Variants in PSMB10 observed in about 807,000 individuals in gnomAD.
PSMB10 encodes proteasome subunit beta type-10.
In PSMB10, 29 loss-of-function variants were observed where a neutral mutation model predicts 29.8. The ratio of observed to expected loss-of-function variants is 0.97; its 90% CI spans 0.73 to 1.33. The LOEUF is 1.33. Among genes scored for constraint, PSMB10 ranks in the 40% most tolerant of loss-of-function variants. The pLI, the probability that PSMB10 is intolerant of heterozygous loss-of-function variation, is 0.00. For missense variants in PSMB10, 327 were observed against 369.2 expected (o/e 0.89, Z 0.94); for synonymous variants, 157 against 164.7 (o/e 0.95, Z 0.36).
In PSMB10 at chr16:67,936,683, C is replaced by A; in HGVS notation, c.56+11G>T. On this transcript the variant is annotated intron_variant, in intron 1 of 7. Transcript: ENST00000358514. ...GCTCAGGAGTGACCGCCCCCCGCGC[C>A]CCCGCTTCACCTTTGGCAGTTCTCG... 1 of 1,550,582 alleles carries A rather than the reference C, an allele frequency of 6.4e-7. No homozygotes were observed. Among genetic ancestry groups the A allele is most frequent in the East Asian group, 2.4e-5 (1 of 40,992 alleles).
intron 4 of PSMB10, 83 bp downstream of exon 4, chr16:67,935,880 C>CCG: frequency 6.5e-7 from 1 of 1,549,956 alleles, no homozygotes; most frequent in East Asian, 2.3e-5. Context: ...CGTCGCGGTC[C>CCG]CGCCCTTCTT....
At chr16:67,935,021 C>G (rs2058257495) in intron 6 of PSMB10, 73 bp from the exon 7 acceptor site, 2 of 1,551,726 alleles carry the variant, frequency 1.3e-6, no homozygotes, top group Non-Finnish European at 1.7e-6. Flanking sequence ...GGGGACTTGC[C>G]TGTCCACTTA....
At chr16:67,935,389 G>A (rs1258177526) in intron 6 of PSMB10, 31 bp downstream of exon 6, 1 of 1,612,346 alleles carries the variant, frequency 6.2e-7, no homozygotes. Context: ...TCCCACCAGC[G>A]ACCACAAAGT....
intron 4 of PSMB10, 117 bp downstream of exon 4, chr16:67,935,846 C>T: frequency 6.7e-7 from 1 of 1,489,488 alleles, no homozygotes; most frequent in East Asian, 2.4e-5. Flanking sequence ...TTCTCTTGGG[C>T]CGGCCTCTTC....
intron 1 of PSMB10, 76 bp from the exon 2 acceptor site, chr16:67,936,561 T>C: frequency 6.9e-7 from 1 of 1,456,830 alleles, no homozygotes. Flanking sequence ...CTGGTCCCCG[T>C]CTCCCTCATC....
At chr16:67,935,838 C>T (rs2058261043) in intron 4 of PSMB10, 125 bp downstream of exon 4, 2 of 1,484,410 alleles carry the variant, frequency 1.3e-6, no homozygotes, top group African/African-American at 2.8e-5. Flanking sequence ...AGCCCAGGTT[C>T]TCTTGGGCCG....
chr16:67,936,481 C>T lies in PSMB10; in HGVS notation c.61G>A (p.Ala21Thr). Residue 21 changes from alanine (A) to threonine (T), a missense_variant, in exon 2 of 8, where the codon GCA (alanine) becomes ACA (threonine). Coordinates refer to ENST00000358514, the MANE Select transcript of PSMB10 (RefSeq NM_002801.4). ...GFSFENCQRN[A>T]SLERVLPGLK... ...CCCGGGAGGACGCGTTCCAATGATG[C>T]ATTTCTGGAAACGGAGGAGGGCGCC... 6.2e-7 allele frequency: 1 copy of T among 1,612,778 alleles called. No individual in the cohort carries two copies. The highest frequency in any genetic ancestry group is 1.1e-5 in the South Asian group (1 of 90,954).
intron 4 of PSMB10, 76 bp downstream of exon 4, chr16:67,935,887 T>C (rs11075663): frequency 5.1e-6 from 8 of 1,558,328 alleles, no homozygotes; most frequent in Non-Finnish European, 1.7e-6. Context: ...GTCCCGCCCT[T>C]CTTTCTGTCC....
At chr16:67,936,178 C>T (rs2058263000) in intron 3 of PSMB10, 37 bp downstream of exon 3, 1 of 1,611,400 alleles carries the variant, frequency 6.2e-7, no homozygotes, top group Non-Finnish European at 8.5e-7. Flanking sequence ...GGGGGCCGTT[C>T]TTTTTTGCGT....
Position 67,935,883 on chromosome 16 carries a change from C to CCCTTCTTTCTGTCCCG in PSMB10, c.383+64_383+79dup, listed in dbSNP as rs1366801289. On this transcript the variant is annotated intron_variant, in intron 4 of 7. Coordinates refer to ENST00000358514, the MANE Select transcript of PSMB10 (RefSeq NM_002801.4). The stretch of plus-strand genomic sequence containing the variant: ...GGTCACCTGGCCCGTCGCGGTCCCG[C>CCCTTCTTTCTGTCCCG]CCTTCTTTCTGTCCCGCCTTCCAAT... The CCCTTCTTTCTGTCCCG allele has an allele frequency of 7.1e-6, 11 of 1,554,176 alleles. No individual in the cohort carries two copies. In the Admixed American group the frequency reaches 1.7e-4, roughly 23 times the overall value.
Position 67,934,678 on chromosome 16 carries a change from G to T in PSMB10, c.711-7C>A, listed in dbSNP as rs1414639064. On this transcript the variant is annotated splice_polypyrimidine_tract_variant and splice_region_variant and intron_variant, in intron 7 of 7. Transcript: ENST00000358514. This position sits in a 1 kb window ranked among gnomAD's most constrained non-coding sequence, Gnocchi z 4.3. ...AAAGTGGTAGCGGCCAGACCTGGGA[G>T]GGAGGAGGGACAGCCTCTGAACATG... 19 of 1,613,654 alleles carry T rather than the reference G, an allele frequency of 1.2e-5. No homozygotes were observed. In the Admixed American group the frequency reaches 2.8e-4, roughly 24 times the overall value.
Position 67,936,431 on chromosome 16 carries a change from C to G in PSMB10, c.111G>C (p.Lys37Asn). ...LPGLKVPHARKTGTTIAGLVF... is the reference protein window; with the variant it reads ...LPGLKVPHARNTGTTIAGLVF... ...CCAGGCCCGCGATGGTGGTCCCGGTCTTGCGTGCGTGAGGGACCTTGAGCC... is the reference window on the plus strand; with the variant it reads ...CCAGGCCCGCGATGGTGGTCCCGGTGTTGCGTGCGTGAGGGACCTTGAGCC... The change falls in exon 2 of 8, where the codon AAG becomes AAC. Residue 37 changes from lysine to asparagine, a missense_variant. Coordinates refer to ENST00000358514, the MANE Select transcript of PSMB10 (RefSeq NM_002801.4). 9 of 1,613,658 alleles carry G rather than the reference C, an allele frequency of 5.6e-6. No homozygotes were observed. Among genetic ancestry groups the G allele is most frequent in the Non-Finnish European group, 7.6e-6 (9 of 1,179,916 alleles).
Position 67,934,757 on chromosome 16 carries a change from G to T in PSMB10, c.710+40C>A. On this transcript the variant is annotated intron_variant, in intron 7 of 7. Coordinates refer to ENST00000358514, the MANE Select transcript of PSMB10 (RefSeq NM_002801.4). This position sits in a 1 kb window ranked among gnomAD's most constrained non-coding sequence, Gnocchi z 4.3. ...GCAGCCCCCTATCTCCCCTGCTATA[G>T]CCCCACACATCCCTGTGGTCCCCGA... 6.2e-7 allele frequency: 1 copy of T among 1,610,636 alleles called. No individual in the cohort carries two copies. Among genetic ancestry groups the T allele is most frequent in the Non-Finnish European group, 8.5e-7 (1 of 1,177,122 alleles).
Position 67,936,724 on chromosome 16 carries a change from C to CGA in PSMB10, c.25_26insTC (p.Arg9LeufsTer80). On this transcript the variant is annotated frameshift_variant, in exon 1 of 8. Coordinates refer to ENST00000358514, the MANE Select transcript of PSMB10 (RefSeq NM_002801.4). LOFTEE classifies it high-confidence loss of function. ...GCAGTTCTCGAAGGAGAAGCCCCCT[C>CGA]GGGGCTCCAGGGCTGGCTTCAGCAT... The CGA allele has an allele frequency of 3.9e-6, 6 of 1,557,040 alleles. No homozygotes were observed. Among genetic ancestry groups the CGA allele is most frequent in the Non-Finnish European group, 5.2e-6 (6 of 1,149,916 alleles).
Position 67,934,727 on chromosome 16 carries a change from T to G in PSMB10, c.711-56A>C. On this transcript the variant is annotated intron_variant, in intron 7 of 7. Transcript: ENST00000358514. The surrounding 1 kb of genome is among the most constrained non-coding windows in gnomAD (Gnocchi z 4.3). Reference sequence around the variant, plus strand: ...TGGGCCTGTCATGTGGCCCATCCCCTTTTTGCAGCCCCCTATCTCCCCTGC... The same window carrying G: ...TGGGCCTGTCATGTGGCCCATCCCCGTTTTGCAGCCCCCTATCTCCCCTGC... 17 of 1,610,366 alleles carry G rather than the reference T, an allele frequency of 1.1e-5. No individual in the cohort carries two copies. Among genetic ancestry groups the G allele is most frequent in the Non-Finnish European group, 1.4e-5 (16 of 1,176,820 alleles).
chr16:67,936,600 A>C (rs1384759054), intron 1 of PSMB10, 94 bp downstream of exon 1: 8 of 1,455,324 alleles, frequency 5.5e-6, no homozygotes, highest in Non-Finnish European at 6.5e-6. Context: ...ACCCAAGTCG[A>C]CCAACACACC....
At chr16:67,935,929 C>T (rs1205086632) in intron 4 of PSMB10, 34 bp downstream of exon 4, 4 of 1,592,044 alleles carry the variant, frequency 2.5e-6, no homozygotes, top group Non-Finnish European at 3.4e-6. Flanking sequence ...CCGTAACTAC[C>T]CCTGCCGGGG....
intron 1 of PSMB10, 56 bp downstream of exon 1, chr16:67,936,638 G>T: frequency 6.6e-7 from 1 of 1,504,144 alleles, no homozygotes; most frequent in South Asian, 1.2e-5. Context: ...AGGAAAAAAG[G>T]CCACGAGCAA....
At position 67,936,705 on chromosome 16, in the gene PSMB10, C is replaced by T. The variant is rs1304121848; in HGVS notation, c.45G>A (p.Glu15=). Residue 15 remains glutamate (E), a synonymous_variant, in exon 1 of 8, where the codon GAG becomes GAA. Coordinates refer to ENST00000358514, the MANE Select transcript of PSMB10 (RefSeq NM_002801.4). ...CGCCCCCGCTTCACCTTTGGCAGTT[C>T]TCGAAGGAGAAGCCCCCTCGGGGCT... ...ALEPRGGFSF[E]NCQRNASLER... 9.0e-6 allele frequency: 14 copies of T among 1,555,978 alleles called. No individual in the cohort carries two copies. The highest frequency in any genetic ancestry group is 1.4e-5 in the African/African-American group (1 of 73,160).
Sources: allele counts gnomAD v4.1 joint callset, GRCh38; gene constraint gnomAD v4.1.1; non-coding constraint Gnocchi (gnomAD v3.1); transcripts MANE v1.5; gene names NCBI Gene and HGNC (gene_info 2026-07-23, HGNC 2026-07-21).